PDIA5: variants seen among roughly 807,000 people sequenced by gnomAD.
The protein encoded by PDIA5 is protein disulfide isomerase family A member 5.
A neutral mutation model predicts 77.6 loss-of-function variants in PDIA5; 58 were observed. The ratio of observed to expected loss-of-function variants is 0.75; its 90% CI spans 0.61 to 0.93. The LOEUF is 0.93. PDIA5 is among the 40% of genes least tolerant of loss of function. PDIA5 has a pLI of 0.00. For missense variants in PDIA5, 630 were observed against 647.7 expected (o/e 0.97, Z 0.30); for synonymous variants, 250 against 252.1 (o/e 0.99, Z 0.08).
intron 8 of PDIA5, among the ~76,000 whole-genome samples, chr3:123,117,846 G>A (rs1935031117): frequency 6.6e-6 from 1 of 151,908 alleles, no homozygotes; most frequent in Non-Finnish European, 1.5e-5. Flanking sequence ...ATCCATTTTT[G>A]CACTTACCCC....
At chr3:123,145,426 G>T in intron 11 of PDIA5, 96 bp from the exon 12 acceptor site, 1 of 787,468 alleles carries the variant, frequency 1.3e-6, no homozygotes. Context: ...TCAGGTGTCT[G>T]GGAATGGGAC....
intron 1 of PDIA5, among the ~76,000 whole-genome samples, chr3:123,080,997 T>C (rs1933987482): frequency 6.6e-6 from 1 of 152,178 alleles, no homozygotes; most frequent in Non-Finnish European, 1.5e-5. Context: ...AGGCAGGGAC[T>C]AAGAAGACTC....
intron 1 of PDIA5, among the ~76,000 whole-genome samples, chr3:123,071,989 G>C (rs1322731723): frequency 1.3e-5 from 2 of 152,102 alleles, no homozygotes; most frequent in Non-Finnish European, 2.9e-5. Context: ...GAGTAAGACT[G>C]AAAAAGTGGA....
At chr3:123,120,549 G>A (rs1435759854) in intron 8 of PDIA5, among the ~76,000 whole-genome samples, 1 of 152,220 alleles carries the variant, frequency 6.6e-6, no homozygotes, top group Non-Finnish European at 1.5e-5. Context: ...TTGGAGCAAG[G>A]TTTTGTCTTA....
intron 11 of PDIA5, among the ~76,000 whole-genome samples, chr3:123,142,610 C>A (rs1395856623): frequency 6.6e-6 from 1 of 152,234 alleles, no homozygotes; most frequent in African/African-American, 2.4e-5. Context: ...CCACTTTGAT[C>A]ATGATCTCCA....
At chr3:123,067,568 G>A (rs752671294) in intron 1 of PDIA5, 6 of 278,816 alleles carry the variant, frequency 2.2e-5, no homozygotes, top group Non-Finnish European at 3.3e-5. Context: ...TCCGAGCCCT[G>A]CACCTGTGTG....
intron 11 of PDIA5, among the ~76,000 whole-genome samples, chr3:123,133,999 T>G (rs201849555): frequency 6.7e-6 from 1 of 149,014 alleles, no homozygotes; most frequent in Non-Finnish European, 1.5e-5. Flanking sequence ...TTTTCTTTTC[T>G]TTTCCTTTTC....
chr3:123,109,538 T>G (rs1419140705), intron 6 of PDIA5, among the ~76,000 whole-genome samples: 1 of 152,124 alleles, frequency 6.6e-6, no homozygotes, highest in Non-Finnish European at 1.5e-5. Flanking sequence ...CTTAATGCTC[T>G]CTCTAGTTAC....
At chr3:123,160,044 C>A (rs1295339594) in intron 15 of PDIA5, among the ~76,000 whole-genome samples, 2 of 152,170 alleles carry the variant, frequency 1.3e-5, no homozygotes, top group African/African-American at 4.8e-5. Context: ...ATTCATTGAG[C>A]TCTATCTAAA....
chr3:123,083,708 C>T (rs1002281617), intron 1 of PDIA5, among the ~76,000 whole-genome samples: 3 of 152,268 alleles, frequency 2.0e-5, no homozygotes, highest in Non-Finnish European at 1.5e-5. Flanking sequence ...GCATCATTAA[C>T]GTTGTTATTG....
chr3:123,158,107 C>T (rs1289325552), intron 15 of PDIA5, among the ~76,000 whole-genome samples: 1 of 152,234 alleles, frequency 6.6e-6, no homozygotes, highest in Non-Finnish European at 1.5e-5. Flanking sequence ...CCTCATTTGT[C>T]CTTGAACTCC....
intron 7 of PDIA5, among the ~76,000 whole-genome samples, chr3:123,114,884 G>C (rs1382150387): frequency 6.6e-6 from 1 of 152,220 alleles, no homozygotes; most frequent in East Asian, 1.9e-4. Context: ...TCGCGTACTG[G>C]GGTGTGTGTG....
At chr3:123,144,279 C>T (rs1242105135) in intron 11 of PDIA5, among the ~76,000 whole-genome samples, 1 of 152,148 alleles carries the variant, frequency 6.6e-6, no homozygotes, top group Non-Finnish European at 1.5e-5. Flanking sequence ...AGAATTATAG[C>T]GTTCTCAGCT....
intron 7 of PDIA5, 62 bp from the exon 8 acceptor site, chr3:123,116,169 C>T: frequency 7.4e-7 from 1 of 1,356,266 alleles, no homozygotes; most frequent in South Asian, 1.2e-5. Flanking sequence ...GGAGGCAGGG[C>T]AGGGTGCAAG....
At chr3:123,141,214 C>G (rs1013289042) in intron 11 of PDIA5, among the ~76,000 whole-genome samples, 4 of 152,216 alleles carry the variant, frequency 2.6e-5, no homozygotes, top group Non-Finnish European at 4.4e-5. Flanking sequence ...CTACTCCAGT[C>G]CCACTGTCCA....
intron 8 of PDIA5, among the ~76,000 whole-genome samples, chr3:123,122,906 C>T (rs775887509): frequency 3.3e-5 from 5 of 152,198 alleles, no homozygotes; most frequent in Non-Finnish European, 5.9e-5. Context: ...TTTTCCCTCG[C>T]TTCTATGCCA....
At chr3:123,110,448 G>A (rs530126241) in intron 6 of PDIA5, among the ~76,000 whole-genome samples, 3 of 152,236 alleles carry the variant, frequency 2.0e-5, no homozygotes, top group East Asian at 1.9e-4. Flanking sequence ...GGGTTAACCC[G>A]TCTTCCCACA....
intron 11 of PDIA5, among the ~76,000 whole-genome samples, chr3:123,138,264 G>A (rs1297054244): frequency 1.3e-5 from 2 of 152,112 alleles, no homozygotes; most frequent in East Asian, 3.8e-4. Context: ...ATTTATTTAA[G>A]TCTTTTCTAT....
intron 10 of PDIA5, among the ~76,000 whole-genome samples, chr3:123,126,849 G>A (rs949742461): frequency 3.3e-5 from 5 of 152,350 alleles, no homozygotes; most frequent in South Asian, 4.1e-4. Context: ...GGGAAGGGTG[G>A]CACCAGGTGA....
Sources: allele counts gnomAD v4.1 joint callset (sites outside exome capture counted in the v4.1 genomes callset), GRCh38; gene constraint gnomAD v4.1.1; transcripts MANE v1.5; gene names NCBI Gene and HGNC (gene_info 2026-07-23, HGNC 2026-07-21).